GAP43: variants seen among roughly 807,000 people sequenced by gnomAD.
GAP43 encodes neuromodulin.
GAP43 carries 6 observed loss-of-function variants against 18.6 expected under a neutral mutation model. The ratio of observed to expected loss-of-function variants is 0.32; its 90% CI spans 0.18 to 0.64. The LOEUF (loss-of-function observed/expected upper bound fraction) is 0.64. GAP43 is among the 30% of genes least tolerant of loss of function. The pLI is 0.78. For synonymous variants in GAP43, 115 were observed against 111.4 expected (o/e 1.03, Z -0.20); for missense variants, 292 against 295.5 (o/e 0.99, Z 0.09).
At chr3:115,634,125 T>C (rs1416094650) in intron 1 of GAP43, among the ~76,000 whole-genome samples, 1 of 152,024 alleles carries the variant, frequency 6.6e-6, no homozygotes, top group Non-Finnish European at 1.5e-5. Context: ...GACCCTAATA[T>C]CCTTTCATTA....
In GAP43 at chr3:115,635,864, T is replaced by C. The variant is rs113124369; in HGVS notation, c.30+12145T>C. 9.9e-3 allele frequency among the ~76,000 whole-genome samples: 1,507 copies of C among 152,238 alleles called. 32 individuals carry two copies. The highest frequency in any genetic ancestry group is 0.035 in the African/African-American group (1,464 of 41,568). On this transcript the variant is annotated intron_variant, in intron 1 of 2. Transcript: ENST00000305124. ...AAGAGAACTGCCAATTTTGCTGTCA[T>C]GGTTGTTGCCATATCTTATGCTAGA...
chr3:115,666,158 G>A (rs1320258790), intron 1 of GAP43, among the ~76,000 whole-genome samples: 1 of 151,964 alleles, frequency 6.6e-6, no homozygotes, highest in Non-Finnish European at 1.5e-5. Flanking sequence ...AGAGAAGACT[G>A]AGAAGGAATC....
At chr3:115,670,649 G>T (rs1248770135) in intron 1 of GAP43, among the ~76,000 whole-genome samples, 1 of 152,150 alleles carries the variant, frequency 6.6e-6, no homozygotes, top group Non-Finnish European at 1.5e-5. Flanking sequence ...CTTAAAAATA[G>T]AGTGAAATTT....
intron 1 of GAP43, among the ~76,000 whole-genome samples, chr3:115,653,489 G>A (rs1708545972): frequency 6.6e-6 from 1 of 152,048 alleles, no homozygotes; most frequent in African/African-American, 2.4e-5. Context: ...AATGTCAAAG[G>A]AGACTAGAAA....
At chr3:115,638,169 G>A (rs770749092) in intron 1 of GAP43, among the ~76,000 whole-genome samples, 37 of 151,922 alleles carry the variant, frequency 2.4e-4, no homozygotes, top group Non-Finnish European at 4.3e-4. Flanking sequence ...CAGCCAGAGT[G>A]CTATTTTGAA....
chr3:115,669,694 A>G (rs953561467), intron 1 of GAP43, among the ~76,000 whole-genome samples: 11 of 152,294 alleles, frequency 7.2e-5, no homozygotes, highest in Middle Eastern at 3.4e-3. Flanking sequence ...ATACCACCTC[A>G]TATTATTTTG....
At chr3:115,707,322 G>T (rs1367472138) in intron 2 of GAP43, among the ~76,000 whole-genome samples, 1 of 152,108 alleles carries the variant, frequency 6.6e-6, no homozygotes, top group East Asian at 1.9e-4. Context: ...TCTATTTGAG[G>T]CAGGCTCTTG....
At position 115,704,101 on chromosome 3, in the gene GAP43, A is replaced by G. The variant is rs538235749; in HGVS notation, c.629-16693A>G. Among the ~76,000 whole-genome samples, 25 of 152,204 alleles carry G rather than the reference A, an allele frequency of 1.6e-4. 1 individual carries two copies. The South Asian group carries it at 5.0e-3, about 30-fold the overall frequency. Reference sequence around the variant, plus strand: ...TGTCCCAGTAAGAGATGGAGATTGCATTTATTTACACACATGCAAGTATAT... The same window carrying G: ...TGTCCCAGTAAGAGATGGAGATTGCGTTTATTTACACACATGCAAGTATAT... On this transcript the variant is annotated intron_variant, in intron 2 of 2. Transcript: ENST00000305124.
chr3:115,660,940 T>A (rs1708650277), intron 1 of GAP43, among the ~76,000 whole-genome samples: 1 of 152,182 alleles, frequency 6.6e-6, no homozygotes, highest in Non-Finnish European at 1.5e-5. Flanking sequence ...TGTGCTCCCT[T>A]AGCTAATCTC....
intron 2 of GAP43, among the ~76,000 whole-genome samples, chr3:115,706,634 T>C (rs1709367539): frequency 6.6e-6 from 1 of 152,236 alleles, no homozygotes; most frequent in South Asian, 2.1e-4. Flanking sequence ...GAATCATGAC[T>C]TCTCTTCTTT....
chr3:115,698,631 T>A (rs1709255477), intron 2 of GAP43, among the ~76,000 whole-genome samples: 1 of 151,608 alleles, frequency 6.6e-6, no homozygotes, highest in African/African-American at 2.4e-5. Context: ...AGGATGGAAA[T>A]GAGCACATAC....
chr3:115,624,874 G>A (rs1708166120), intron 1 of GAP43, among the ~76,000 whole-genome samples: 1 of 149,398 alleles, frequency 6.7e-6, no homozygotes, highest in Admixed American at 6.8e-5. Context: ...ACGGGTGAGT[G>A]TGTGCGTATG....
chr3:115,693,373 G>A (rs1709139876), intron 2 of GAP43, among the ~76,000 whole-genome samples: 1 of 152,130 alleles, frequency 6.6e-6, no homozygotes, highest in Non-Finnish European at 1.5e-5. Context: ...GCTGGGCCCT[G>A]GTTTCAACAC....
chr3:115,675,758 C>CAAAAAAAAA (rs67744380), intron 1 of GAP43, among the ~76,000 whole-genome samples: 1 of 50,556 alleles, frequency 2.0e-5, no homozygotes, highest in Non-Finnish European at 3.3e-5. Context: ...GACTCTATCT[C>CAAAAAAAAA]AAAAAAAAAA....
rs5851973 is a variant in GAP43 at position 115,714,708 on chromosome 3, GTT to G, written c.629-6075_629-6074del. 1.7e-3 allele frequency among the ~76,000 whole-genome samples: 255 copies of G among 146,924 alleles called. 1 individual carries two copies. The highest frequency in any genetic ancestry group is 5.1e-3 in the African/African-American group (206 of 40,298). ...AACACATCATCGATTTTTGTTTATT[GTT>G]TTTTTTTTTTAGACACATTCGGTTT... On this transcript the variant is annotated intron_variant, in intron 2 of 2. Transcript: ENST00000305124.
intron 1 of GAP43, among the ~76,000 whole-genome samples, chr3:115,657,089 G>C (rs1402913734): frequency 2.0e-5 from 3 of 152,172 alleles, no homozygotes; most frequent in African/African-American, 4.8e-5. Context: ...GTCATAATGA[G>C]AGTCTCAAGA....
intron 2 of GAP43, among the ~76,000 whole-genome samples, chr3:115,683,005 A>G (rs1216112202): frequency 2.6e-5 from 4 of 152,198 alleles, no homozygotes; most frequent in Non-Finnish European, 4.4e-5. Context: ...TTCTTCCCCC[A>G]ATTTTAAAGT....
chr3:115,638,496 C>T (rs910551191), intron 1 of GAP43, among the ~76,000 whole-genome samples: 1 of 150,638 alleles, frequency 6.6e-6, no homozygotes, highest in Non-Finnish European at 1.5e-5. Flanking sequence ...CCAAGTCACT[C>T]TCTAACACAT....
intron 1 of GAP43, among the ~76,000 whole-genome samples, chr3:115,637,362 A>G (rs1708342683): frequency 6.6e-6 from 1 of 152,124 alleles, no homozygotes; most frequent in Non-Finnish European, 1.5e-5. Flanking sequence ...TACAAGCCAA[A>G]TAATTTCTCA....
Sources: allele counts gnomAD v4.1 joint callset (sites outside exome capture counted in the v4.1 genomes callset), GRCh38; gene constraint gnomAD v4.1.1; transcripts MANE v1.5; gene names NCBI Gene and HGNC (gene_info 2026-07-23, HGNC 2026-07-21).